Variants in PALLD observed in about 807,000 individuals in gnomAD.
The protein encoded by PALLD is palladin, cytoskeletal associated protein.
PALLD carries 61 observed loss-of-function variants against 123.5 expected under a neutral mutation model. The observed-to-expected ratio is 0.49, with a 90% CI of 0.40 to 0.61. PALLD has a LOEUF of 0.61. Ranked by LOEUF, PALLD falls within the 20% of genes least tolerant of loss-of-function variation. The pLI is 0.00. For synonymous variants in PALLD, 465 were observed against 496.4 expected, an observed-to-expected ratio of 0.94 and a Z score of 0.84; for missense variants, 1,273 against 1,377.0, an observed-to-expected ratio of 0.92 and a Z score of 1.20.
chr4:168,867,707 A>G (rs1750499181), intron 10 of PALLD, among the ~76,000 whole-genome samples: 1 of 152,096 alleles, frequency 6.6e-6, no homozygotes, highest in Non-Finnish European at 1.5e-5. Flanking sequence ...CGATAGTGCT[A>G]TTAGATTAAT....
intron 3 of PALLD, among the ~76,000 whole-genome samples, chr4:168,680,690 C>T (rs779125177): frequency 2.0e-5 from 3 of 152,062 alleles, no homozygotes; most frequent in Admixed American, 1.3e-4. Context: ...ATCTTGGAAA[C>T]ATTAAGAATA....
intron 8 of PALLD, among the ~76,000 whole-genome samples, chr4:168,694,849 A>C (rs1454541403): frequency 6.6e-6 from 1 of 152,224 alleles, no homozygotes; most frequent in Non-Finnish European, 1.5e-5. Flanking sequence ...CTTACTTAAG[A>C]CCAACATCCG....
chr4:168,644,945 A>T (rs1481509607), intron 2 of PALLD, among the ~76,000 whole-genome samples: 1 of 152,062 alleles, frequency 6.6e-6, no homozygotes, highest in African/African-American at 2.4e-5. Context: ...TACTAAAAAC[A>T]CAAAAATTAG....
intron 3 of PALLD, among the ~76,000 whole-genome samples, chr4:168,672,805 AT>A (rs1469686125): frequency 1.3e-5 from 2 of 152,158 alleles, no homozygotes; most frequent in African/African-American, 4.8e-5. Context: ...GTTCTCACTC[AT>A]ATGTGAAAAC....
intron 10 of PALLD, among the ~76,000 whole-genome samples, chr4:168,824,965 A>G (rs1743225724): frequency 6.6e-6 from 1 of 151,608 alleles, no homozygotes; most frequent in Non-Finnish European, 1.5e-5. Context: ...GGGACTACAG[A>G]CGCACACCAC....
Position 168,711,717 on chromosome 4 carries a change from G to A in PALLD, c.1758G>A (p.Gln586=), listed in dbSNP as rs774580949. 1.5e-5 allele frequency: 24 copies of A among 1,614,038 alleles called. No homozygotes were observed. The African/African-American group carries it at 3.2e-4, about 22-fold the overall frequency. ...LASKKPSEIQ[Q]VNNPELGLSR... is the part of the protein sequence containing the mutation. ...CAAAGAAACCATCTGAGATCCAGCA[G>A]GTGAACAACCCTGAGTTAGGCCTGA... Residue 586 remains glutamine (Q), a synonymous_variant, in exon 10 of 22, where the codon CAG becomes CAA. Coordinates refer to ENST00000505667, the MANE Select transcript of PALLD (RefSeq NM_001166108.2).
At chr4:168,877,771 G>A in intron 10 of PALLD, 1 of 1,195,128 alleles carries the variant, frequency 8.4e-7, no homozygotes, top group Non-Finnish European at 1.0e-6. Flanking sequence ...GACTGGAGCA[G>A]GAGGCCGGCG....
intron 2 of PALLD, among the ~76,000 whole-genome samples, chr4:168,641,257 C>T (rs1032423687): frequency 2.6e-5 from 4 of 151,302 alleles, no homozygotes; most frequent in Admixed American, 1.3e-4. Flanking sequence ...CTAAGACATA[C>T]TGATTGCTTA....
intron 10 of PALLD, among the ~76,000 whole-genome samples, chr4:168,802,357 A>C (rs1739467008): frequency 6.6e-6 from 1 of 152,244 alleles, no homozygotes; most frequent in South Asian, 2.1e-4. Flanking sequence ...GATTGGATAA[A>C]GAAAATGTGG....
At chr4:168,738,950 G>A (rs1788052951) in intron 10 of PALLD, among the ~76,000 whole-genome samples, 2 of 152,078 alleles carry the variant, frequency 1.3e-5, no homozygotes, top group Admixed American at 1.3e-4. Flanking sequence ...AGTCCAGGCA[G>A]GTATCTATCA....
intron 14 of PALLD, 54 bp downstream of exon 14, chr4:168,898,768 C>T: frequency 7.8e-6 from 9 of 1,161,060 alleles, no homozygotes; most frequent in Admixed American, 1.7e-5. Flanking sequence ...AAAGGTTTAG[C>T]TTCCAAAACA....
intron 2 of PALLD, among the ~76,000 whole-genome samples, chr4:168,554,640 A>T (rs976815162): frequency 4.7e-4 from 71 of 152,272 alleles, no homozygotes; most frequent in African/African-American, 1.6e-3. Flanking sequence ...TACGCTCTTA[A>T]TTTTTTTAAA....
chr4:168,785,846 G>GAGATATATAT (rs764117358), intron 10 of PALLD, among the ~76,000 whole-genome samples: 2 of 80,896 alleles, frequency 2.5e-5, no homozygotes, highest in Non-Finnish European at 5.6e-5. Context: ...AAACTGTAGA[G>GAGATATATAT]ATATATATAT....
At chr4:168,566,747 C>T (rs754566270) in intron 2 of PALLD, among the ~76,000 whole-genome samples, 1 of 152,144 alleles carries the variant, frequency 6.6e-6, no homozygotes, top group Non-Finnish European at 1.5e-5. Flanking sequence ...CATTATTTTC[C>T]TATACTCTTA....
chr4:168,560,078 T>C (rs1181006961), intron 2 of PALLD, among the ~76,000 whole-genome samples: 3 of 152,204 alleles, frequency 2.0e-5, no homozygotes, highest in South Asian at 2.1e-4. Context: ...CCTCAATATA[T>C]GCTGTCAGGT....
intron 10 of PALLD, among the ~76,000 whole-genome samples, chr4:168,889,304 C>G (rs1454447211): frequency 6.6e-6 from 1 of 151,654 alleles, no homozygotes; most frequent in African/African-American, 2.4e-5. Flanking sequence ...GCTGGGACTA[C>G]AGGCGCCCAC....
intron 10 of PALLD, among the ~76,000 whole-genome samples, chr4:168,845,616 T>C (rs776691081): frequency 1.3e-5 from 2 of 152,156 alleles, no homozygotes; most frequent in Non-Finnish European, 2.9e-5. Flanking sequence ...GACTTGAGCA[T>C]GTGTGGATTT....
chr4:168,657,183 A>G (rs1353509063), intron 2 of PALLD, among the ~76,000 whole-genome samples: 2 of 152,236 alleles, frequency 1.3e-5, no homozygotes, highest in Non-Finnish European at 2.9e-5. Context: ...TGGTCCAGTA[A>G]GATTGAGAAT....
intron 10 of PALLD, among the ~76,000 whole-genome samples, chr4:168,747,309 A>G (rs1487835797): frequency 6.6e-6 from 1 of 152,254 alleles, no homozygotes; most frequent in Non-Finnish European, 1.5e-5. Context: ...GCAGTAGGCA[A>G]GGAAGTCCAA....
Sources: gnomAD v4.1 joint callset for allele counts (sites outside exome capture counted in the v4.1 genomes callset) on GRCh38, gnomAD v4.1.1 for gene constraint, MANE v1.5 for transcripts, NCBI Gene and HGNC (gene_info 2026-07-23, HGNC 2026-07-21) for gene names.